The following IGF1R variants were observed in gnomAD, a reference collection of about 807,000 sequenced individuals.
IGF1R encodes insulin like growth factor 1 receptor.
In IGF1R, 44 loss-of-function variants were observed where a neutral mutation model predicts 144.6. The observed-to-expected ratio is 0.30, with a 90% CI of 0.24 to 0.39. The LOEUF (loss-of-function observed/expected upper bound fraction) is 0.39. IGF1R is among the 10% of genes least tolerant of loss of function. The pLI is 1.00. For missense variants in IGF1R, 1,355 were observed against 1,833.7 expected (o/e 0.74, Z 4.77); for synonymous variants, 795 against 722.8 (o/e 1.10, Z -1.60).
chr15:98,711,280 T>G lies in IGF1R; in HGVS notation c.640+3173T>G, dbSNP rs142196235. Among the ~76,000 whole-genome samples, 266 of 152,306 alleles carry G rather than the reference T, an allele frequency of 1.7e-3. 2 individuals carry two copies. Among genetic ancestry groups the G allele is most frequent in the African/African-American group, 6.1e-3 (252 of 41,560 alleles). ...ACAGAAGAATCCCATTCAGGTAATC[T>G]TCTGTTGGCTGGCTGTAGAACTACG... On this transcript the variant is annotated intron_variant, in intron 2 of 20. Transcript: ENST00000650285.
At chr15:98,730,381 AC>A (rs1457249216) in intron 2 of IGF1R, among the ~76,000 whole-genome samples, 1 of 152,202 alleles carries the variant, frequency 6.6e-6, no homozygotes, top group East Asian at 1.9e-4. Context: ...GTACCACGAT[AC>A]TTTCTTCTAT....
intron 2 of IGF1R, among the ~76,000 whole-genome samples, chr15:98,827,235 C>T (rs781724261): frequency 5.1e-4 from 78 of 152,136 alleles, no homozygotes; most frequent in Non-Finnish European, 1.6e-4. Flanking sequence ...GAGCAAATGA[C>T]TTGGAAAACA....
chr15:98,814,424 C>G (rs935784655), intron 2 of IGF1R, among the ~76,000 whole-genome samples: 2 of 152,162 alleles, frequency 1.3e-5, no homozygotes, highest in Non-Finnish European at 2.9e-5. Flanking sequence ...CATCATAGCT[C>G]ACTGCAACCT....
intron 1 of IGF1R, among the ~76,000 whole-genome samples, chr15:98,664,813 G>T (rs1191721858): frequency 6.6e-6 from 1 of 150,790 alleles, no homozygotes; most frequent in Admixed American, 6.6e-5. Flanking sequence ...TGATACTATT[G>T]TTGCTAAGGA....
intron 2 of IGF1R, among the ~76,000 whole-genome samples, chr15:98,869,506 G>A (rs1349952879): frequency 6.6e-6 from 1 of 150,834 alleles, no homozygotes; most frequent in African/African-American, 2.5e-5. Flanking sequence ...ACGATCTCCG[G>A]CTCACCGCAA....
In IGF1R at chr15:98,887,382, T is replaced by C. The variant is rs542061111; in HGVS notation, c.641-3943T>C. On this transcript the variant is annotated intron_variant, in intron 2 of 20. Transcript: ENST00000650285. ...CGGCATTGATATTTAGGTATAACTA[T>C]TTGCAAGCAAGTGCAGAGGGACATT... Among the ~76,000 whole-genome samples, 8 of 152,132 alleles carry C rather than the reference T, an allele frequency of 5.3e-5. No individual in the cohort carries two copies. The South Asian group carries it at 1.7e-3, about 32-fold the overall frequency.
In IGF1R at chr15:98,962,740, C is replaced by T. The variant is rs985626622; in HGVS notation, c.*5298C>T. On this transcript the variant is annotated 3_prime_UTR_variant, in exon 21 of 21. Coordinates refer to ENST00000650285, the MANE Select transcript of IGF1R (RefSeq NM_000875.5). ...GGGCAAGGTTTTGAACTTGATTGTTCTTGAAGCTATCAGACCACATCGAGG... is the reference window on the plus strand; with the variant it reads ...GGGCAAGGTTTTGAACTTGATTGTTTTTGAAGCTATCAGACCACATCGAGG... The T allele has an allele frequency of 1.3e-5, 3 of 233,412 alleles. No individual in the cohort carries two copies. Among genetic ancestry groups the T allele is most frequent in the South Asian group, 1.8e-4 (1 of 5,522 alleles). 14.5% of individuals were successfully genotyped at this position (233,412 alleles called of 1,614,324 possible).
At chr15:98,934,749 C>A in intron 15 of IGF1R, 75 bp from the exon 16 acceptor site, 3 of 1,271,972 alleles carry the variant, frequency 2.4e-6, no homozygotes, top group Non-Finnish European at 3.4e-6. Flanking sequence ...TATTCTTTGG[C>A]TTAGAGTTCC....
chr15:98,924,000 A>G lies in IGF1R; in HGVS notation c.2610A>G (p.Gly870=). Reference sequence around the variant, plus strand: ...TTCTAATGTATGAAATAAAATACGGATCACAAGTTGAGGTAGGACTGGGGC... The same window carrying G: ...TTCTAATGTATGAAATAAAATACGGGTCACAAGTTGAGGTAGGACTGGGGC... ...GLILMYEIKY[G]SQVEDQRECV... Residue 870 remains glycine, a synonymous_variant, in exon 12 of 21, where the codon GGA becomes GGG. Coordinates refer to ENST00000650285, the MANE Select transcript of IGF1R (RefSeq NM_000875.5). 6.2e-7 allele frequency: 1 copy of G among 1,614,134 alleles called. No individual in the cohort carries two copies. The highest frequency in any genetic ancestry group is 8.5e-7 in the Non-Finnish European group (1 of 1,179,936).
chr15:98,901,757 G>T (rs1247804414), intron 5 of IGF1R, among the ~76,000 whole-genome samples: 1 of 152,210 alleles, frequency 6.6e-6, no homozygotes, highest in African/African-American at 2.4e-5. Context: ...TCTGACAAGA[G>T]GTGGCATTTG....
chr15:98,924,146 T>A (rs41533949), intron 12 of IGF1R, 134 bp downstream of exon 12: 14 of 944,020 alleles, frequency 1.5e-5, no homozygotes, highest in Non-Finnish European at 2.4e-5. Flanking sequence ...TGGTGAGGAT[T>A]TGGGTCTTTC....
intron 2 of IGF1R, among the ~76,000 whole-genome samples, chr15:98,851,775 A>G (rs1365324720): frequency 3.3e-5 from 5 of 152,188 alleles, no homozygotes; most frequent in African/African-American, 1.2e-4. Context: ...GGTGAACTAC[A>G]TCCTGTGTGG....
intron 2 of IGF1R, among the ~76,000 whole-genome samples, chr15:98,862,901 C>T (rs994188169): frequency 6.6e-6 from 1 of 152,214 alleles, no homozygotes; most frequent in African/African-American, 2.4e-5. Flanking sequence ...CAGATGTTAA[C>T]ATCTTACATA....
At chr15:98,878,889 G>A (rs1282157240) in intron 2 of IGF1R, among the ~76,000 whole-genome samples, 3 of 151,966 alleles carry the variant, frequency 2.0e-5, no homozygotes, top group African/African-American at 7.3e-5. Context: ...CCAGCTACTC[G>A]GGAAGCTGAG....
intron 2 of IGF1R, among the ~76,000 whole-genome samples, chr15:98,815,715 T>C (rs1303994439): frequency 6.6e-6 from 1 of 152,056 alleles, no homozygotes; most frequent in Non-Finnish European, 1.5e-5. Context: ...TGTTGGAGTG[T>C]TTTCGAAATG....
intron 20 of IGF1R, chr15:98,954,477 TTG>T (rs913087495): frequency 6.6e-5 from 10 of 152,224 alleles, no homozygotes; most frequent in African/African-American, 2.4e-4. Context: ...TGGAGATTTT[TTG>T]TGTGTGTGGA....
At chr15:98,853,390 C>G (rs143955493) in intron 2 of IGF1R, among the ~76,000 whole-genome samples, 1 of 152,108 alleles carries the variant, frequency 6.6e-6, no homozygotes, top group Non-Finnish European at 1.5e-5. Context: ...GTTTGCGTGG[C>G]CCGGAGCAGC....
At chr15:98,928,772 G>A (rs1358059899) in intron 13 of IGF1R, among the ~76,000 whole-genome samples, 1 of 152,086 alleles carries the variant, frequency 6.6e-6, no homozygotes, top group African/African-American at 2.4e-5. Context: ...CAGGGTATGG[G>A]TCCATGTGCC....
intron 1 of IGF1R, among the ~76,000 whole-genome samples, chr15:98,667,189 C>T (rs11634461): frequency 0.13 from 19,695 of 151,872 alleles, 2,579 homozygotes; most frequent in African/African-American, 0.33. Flanking sequence ...CTCATGCCAC[C>T]GTAGTCACAA....
Sources: allele counts gnomAD v4.1 joint callset (sites outside exome capture counted in the v4.1 genomes callset), GRCh38; gene constraint gnomAD v4.1.1; transcripts MANE v1.5; gene names NCBI Gene and HGNC (gene_info 2026-07-23, HGNC 2026-07-21).